The following ABAT variants were observed in gnomAD, a reference collection of about 807,000 sequenced individuals.
The protein encoded by ABAT is 4-aminobutyrate aminotransferase, mitochondrial.
ABAT carries 45 observed loss-of-function variants against 64.6 expected under a neutral mutation model. The ratio of observed to expected loss-of-function variants is 0.70; its 90% CI spans 0.55 to 0.89. The LOEUF is 0.89. Ranked by LOEUF, ABAT falls within the 40% of genes least tolerant of loss-of-function variation. ABAT has a pLI of 0.00. For synonymous variants in ABAT, 297 were observed against 250.5 expected, an observed-to-expected ratio of 1.19 and a Z score of -1.75; for missense variants, 633 against 658.4, an observed-to-expected ratio of 0.96 and a Z score of 0.42.
intron 1 of ABAT, among the ~76,000 whole-genome samples, chr16:8,708,743 G>C (rs974948240): frequency 6.6e-6 from 1 of 152,208 alleles, no homozygotes; most frequent in Admixed American, 6.5e-5. Context: ...ATAAGCTTTG[G>C]GCTTTGGTTC....
chr16:8,697,086 T>C (rs1467521276), intron 1 of ABAT, among the ~76,000 whole-genome samples: 1 of 151,962 alleles, frequency 6.6e-6, no homozygotes, highest in Admixed American at 6.6e-5. Context: ...GTGACAAAAA[T>C]AAAATGTGTT....
At chr16:8,726,888 CT>C in intron 1 of ABAT, among the ~76,000 whole-genome samples, 1 of 152,316 alleles carries the variant, frequency 6.6e-6, no homozygotes, top group African/African-American at 2.4e-5. Context: ...GCCATGTTAA[CT>C]GGGGTGAGAT....
rs1398552009 is a variant in ABAT, at chr16:8,683,859, G to A, written c.-42+9148G>A. On this transcript the variant is annotated intron_variant, in intron 1 of 15. Coordinates refer to ENST00000268251, the MANE Select transcript of ABAT (RefSeq NM_020686.6). ...TGGAGTGGACAGACGTAGCCATCTG[G>A]CATTCATTCGTCAATGAGTGTGTTC... Among the ~76,000 whole-genome samples the A allele has an allele frequency of 3.2e-5, 3 of 94,884 alleles. No homozygotes were observed. In the South Asian group the frequency reaches 1.1e-3, roughly 34 times the overall value. The allele number at this position is 94,884 out of a possible 152,430, so 62.2% of individuals were successfully genotyped here.
At chr16:8,778,703 G>C (rs538059659) in intron 14 of ABAT, among the ~76,000 whole-genome samples, 2 of 151,958 alleles carry the variant, frequency 1.3e-5, no homozygotes, top group South Asian at 2.1e-4. Context: ...TTTGAACCTG[G>C]GAGGCAGAGG....
rs200744942 is a variant in ABAT, at chr16:8,738,017, G to C, written c.70+2208G>C. Among the ~76,000 whole-genome samples the C allele has an allele frequency of 5.5e-3, 192 of 35,006 alleles. 9 individuals are homozygous for C. The highest frequency in any genetic ancestry group is 0.019 in the African/African-American group (125 of 6,602). 23.0% of individuals were successfully genotyped at this position (35,006 alleles called of 152,430 possible). A position where few individuals can be genotyped will look rare whatever the true frequency, so the allele number is the denominator to read the frequency against. On this transcript the variant is annotated intron_variant, in intron 2 of 15. Coordinates refer to ENST00000268251, the MANE Select transcript of ABAT (RefSeq NM_020686.6). ...GAAAGAAAGAAAGAAAGAAAGAAAG[G>C]AAAGAAAGAAAGAAGGACAGACAGA...
At chr16:8,683,203 C>G (rs1168435523) in intron 1 of ABAT, 2 of 152,204 alleles carry the variant, frequency 1.3e-5, no homozygotes, top group African/African-American at 2.4e-5. Flanking sequence ...GTGGAGATCA[C>G]TCTCCACTCC....
chr16:8,755,907 G>A (rs1462915196), intron 5 of ABAT, among the ~76,000 whole-genome samples: 1 of 152,190 alleles, frequency 6.6e-6, no homozygotes, highest in East Asian at 1.9e-4. Flanking sequence ...AAATTAGCCA[G>A]GCGTGGTGAT....
intron 1 of ABAT, among the ~76,000 whole-genome samples, chr16:8,726,652 TAGG>T (rs2058566067): frequency 6.6e-6 from 1 of 152,222 alleles, no homozygotes; most frequent in Non-Finnish European, 1.5e-5. Flanking sequence ...GCAACAAACA[TAGG>T]AGTGCAGATA....
intron 6 of ABAT, among the ~76,000 whole-genome samples, chr16:8,758,969 G>A (rs1465445634): frequency 6.6e-6 from 1 of 152,088 alleles, no homozygotes; most frequent in East Asian, 1.9e-4. Context: ...AGGTGTGGTG[G>A]TGTGAGCCTG....
intron 1 of ABAT, among the ~76,000 whole-genome samples, chr16:8,724,727 T>G (rs148212599): frequency 0.011 from 955 of 85,582 alleles, 15 homozygotes; most frequent in Middle Eastern, 0.044. Context: ...AGACCTTGTC[T>G]CAGGAAAAAA....
Position 8,776,671 on chromosome 16 carries a change from C to A in ABAT, c.1269+181C>A, listed in dbSNP as rs2060273869. On this transcript the variant is annotated intron_variant, in intron 14 of 15. Coordinates refer to ENST00000268251, the MANE Select transcript of ABAT (RefSeq NM_020686.6). The surrounding 1 kb of genome is among the most constrained non-coding windows in gnomAD (Gnocchi z 4.4). ...TGTGTCCTCTGCAGGGGATGCCTCC[C>A]TATCCCTCCATCCCATTCCAACCCC... is the stretch of plus-strand genomic sequence containing the variant. Among the ~76,000 whole-genome samples the A allele has an allele frequency of 6.6e-6, 1 of 152,194 alleles. No individual in the cohort carries two copies. Among genetic ancestry groups the A allele is most frequent in the African/African-American group, 2.4e-5 (1 of 41,442 alleles).
At chr16:8,695,662 A>T (rs2057686137) in intron 1 of ABAT, among the ~76,000 whole-genome samples, 1 of 152,138 alleles carries the variant, frequency 6.6e-6, no homozygotes, top group Non-Finnish European at 1.5e-5. Flanking sequence ...AATCCACCAC[A>T]GGGCCTTTCG....
chr16:8,768,966 T>A lies in ABAT; in HGVS notation c.809T>A (p.Leu270Gln), dbSNP rs905237968. The A allele has an allele frequency of 3.1e-6, 5 of 1,614,164 alleles. No homozygotes were observed. In the East Asian group the frequency reaches 1.1e-4, roughly 36 times the overall value. ...AACCAACAGGAGGAGGCCCGCTGTC[T>A]GGAAGAGGTAATGCTCATACCCTGC... ...KENQQEEARC[L>Q]EEVEDLIVKY... The change falls in exon 11 of 16, where the codon CTG becomes CAG. Residue 270 changes from leucine to glutamine, a missense_variant. Leu to Gln is a moderately radical substitution (Grantham distance 113, BLOSUM62 -2). Transcript: ENST00000268251.
chr16:8,739,547 G>A (rs1731026), intron 2 of ABAT, among the ~76,000 whole-genome samples: 131,194 of 152,032 alleles, frequency 0.86, 56,806 homozygotes, highest in Non-Finnish European at 0.89. Context: ...ATGAAACCCC[G>A]TCTCTACTAA....
At chr16:8,713,827 C>T (rs1406157402) in intron 1 of ABAT, 3 of 455,480 alleles carry the variant, frequency 6.6e-6, no homozygotes, top group South Asian at 4.7e-5. Context: ...TTTAAGCAAG[C>T]GAGCTGAGCT....
intron 2 of ABAT, among the ~76,000 whole-genome samples, chr16:8,743,621 ATG>A (rs1452037000): frequency 8.7e-5 from 12 of 138,424 alleles, no homozygotes; most frequent in South Asian, 2.2e-4. Context: ...TTTTAGTTAT[ATG>A]ATATATATTT....
intron 14 of ABAT, 83 bp from the exon 15 acceptor site, chr16:8,779,396 G>A: frequency 3.9e-5 from 45 of 1,157,770 alleles, no homozygotes; most frequent in Non-Finnish European, 5.7e-5. Flanking sequence ...ACCATGGGAG[G>A]CCTTTGACGA....
At chr16:8,684,316 C>T (rs1166307966) in intron 1 of ABAT, among the ~76,000 whole-genome samples, 1 of 152,098 alleles carries the variant, frequency 6.6e-6, no homozygotes, top group African/African-American at 2.4e-5. Context: ...CTCGCACCTG[C>T]AATCCCAGCG....
At chr16:8,716,388 A>G (rs2058216838) in intron 1 of ABAT, among the ~76,000 whole-genome samples, 1 of 152,140 alleles carries the variant, frequency 6.6e-6, no homozygotes, top group Non-Finnish European at 1.5e-5. Context: ...GGTTTGGCCT[A>G]AAGTAAGCGC....
Sources: gnomAD v4.1 joint callset for allele counts (sites outside exome capture counted in the v4.1 genomes callset) on GRCh38, gnomAD v4.1.1 for gene constraint, Gnocchi (gnomAD v3.1) non-coding constraint, MANE v1.5 for transcripts, NCBI Gene and HGNC (gene_info 2026-07-23, HGNC 2026-07-21) for gene names.